The following CPNE8 variants were observed in gnomAD, a reference collection of about 807,000 sequenced individuals.
CPNE8 encodes the protein copine-8.
Under a neutral mutation model 81.5 loss-of-function variants are expected in CPNE8, and 45 were observed. That is an observed-to-expected ratio of 0.55 (90% CI 0.44 to 0.71). The LOEUF (loss-of-function observed/expected upper bound fraction) is 0.71. Among genes scored for constraint, CPNE8 ranks in the 30% least tolerant of loss-of-function variants. The pLI is 0.00. For synonymous variants in CPNE8, 252 were observed against 226.3 expected (o/e 1.11, Z -1.02); for missense variants, 594 against 672.1 (o/e 0.88, Z 1.28).
chr12:38,789,224 A>C (rs1039721446), intron 6 of CPNE8, among the ~76,000 whole-genome samples: 9 of 152,014 alleles, frequency 5.9e-5, no homozygotes, highest in African/African-American at 2.2e-4. Context: ...ATAGTAACCA[A>C]AATAGCATAG....
chr12:38,886,395 A>T (rs536333665), intron 1 of CPNE8, among the ~76,000 whole-genome samples: 2 of 152,248 alleles, frequency 1.3e-5, no homozygotes, highest in Non-Finnish European at 2.9e-5. Context: ...TAAATATTGG[A>T]AAAACTATCT....
chr12:38,805,884 G>A (rs2136972007), intron 6 of CPNE8, among the ~76,000 whole-genome samples: 1 of 148,846 alleles, frequency 6.7e-6, no homozygotes, highest in South Asian at 2.2e-4. Context: ...GAAGAGAGAA[G>A]AATCAAATAG....
At chr12:38,905,415 A>AGG (rs1944554456) in intron 1 of CPNE8, 22 bp downstream of exon 1, 1 of 1,550,560 alleles carries the variant, frequency 6.4e-7, no homozygotes, top group Non-Finnish European at 8.7e-7. Flanking sequence ...GGCAGGAGAG[A>AGG]GGGGAAGGGC....
At chr12:38,798,696 C>T (rs1233797059) in intron 6 of CPNE8, among the ~76,000 whole-genome samples, 1 of 151,496 alleles carries the variant, frequency 6.6e-6, no homozygotes, top group African/African-American at 2.4e-5. Flanking sequence ...TCACACATAA[C>T]AATATTAACT....
chr12:38,692,884 T>C (rs762230386), intron 15 of CPNE8, among the ~76,000 whole-genome samples: 4 of 152,164 alleles, frequency 2.6e-5, no homozygotes, highest in Non-Finnish European at 5.9e-5. Flanking sequence ...AGAAATAACA[T>C]TTTGGGACTT....
intron 19 of CPNE8, among the ~76,000 whole-genome samples, chr12:38,662,233 A>G (rs1565558467): frequency 1.3e-5 from 2 of 152,156 alleles, no homozygotes. Flanking sequence ...TTTGCAGCTG[A>G]CATGATCTTA....
chr12:38,797,358 A>G (rs902373076), intron 6 of CPNE8, among the ~76,000 whole-genome samples: 2 of 152,144 alleles, frequency 1.3e-5, no homozygotes, highest in Non-Finnish European at 2.9e-5. Context: ...AAACTTCCAG[A>G]GGAACTAGCA....
At chr12:38,692,574 A>C (rs976106070) in intron 15 of CPNE8, among the ~76,000 whole-genome samples, 1 of 152,162 alleles carries the variant, frequency 6.6e-6, no homozygotes, top group African/African-American at 2.4e-5. Context: ...CTAAACCAGT[A>C]TATATTTGTA....
At chr12:38,776,919 G>C (rs1016992276) in intron 6 of CPNE8, among the ~76,000 whole-genome samples, 2 of 151,842 alleles carry the variant, frequency 1.3e-5, no homozygotes, top group Admixed American at 1.3e-4. Context: ...TGTATGTACA[G>C]TCCATAATAC....
intron 8 of CPNE8, among the ~76,000 whole-genome samples, chr12:38,766,257 T>C (rs956034202): frequency 6.6e-6 from 1 of 152,196 alleles, no homozygotes; most frequent in African/African-American, 2.4e-5. Flanking sequence ...GTACAACTAA[T>C]CTTTATGAAG....
intron 8 of CPNE8, among the ~76,000 whole-genome samples, chr12:38,763,866 CT>C (rs1341325745): frequency 3.3e-5 from 5 of 152,086 alleles, no homozygotes; most frequent in African/African-American, 9.7e-5. Flanking sequence ...TATACTGCCC[CT>C]AACCCCCATG....
At chr12:38,682,185 A>T (rs1939424690) in intron 16 of CPNE8, among the ~76,000 whole-genome samples, 1 of 152,140 alleles carries the variant, frequency 6.6e-6, no homozygotes, top group East Asian at 1.9e-4. Flanking sequence ...GCATCACTAC[A>T]CTCCAGCCTG....
At chr12:38,851,469 A>G (rs953508021) in intron 3 of CPNE8, among the ~76,000 whole-genome samples, 1 of 152,210 alleles carries the variant, frequency 6.6e-6, no homozygotes, top group African/African-American at 2.4e-5. Flanking sequence ...AAAGTCATCA[A>G]TCTCAAGTCT....
At chr12:38,876,082 C>T (rs1368032436) in intron 1 of CPNE8, among the ~76,000 whole-genome samples, 2 of 152,092 alleles carry the variant, frequency 1.3e-5, no homozygotes, top group Admixed American at 1.3e-4. Flanking sequence ...GGCTGTGACT[C>T]AAAAACTATG....
At chr12:38,734,866 ATG>A (rs1276605116) in intron 10 of CPNE8, among the ~76,000 whole-genome samples, 2 of 152,096 alleles carry the variant, frequency 1.3e-5, no homozygotes, top group African/African-American at 4.8e-5. Flanking sequence ...TTATGAATGG[ATG>A]TGTGTTGTCT....
At position 38,823,786 on chromosome 12, in the gene CPNE8, G is replaced by A. The variant is rs138894302; in HGVS notation, c.407+5593C>T. ...AAACCGGTGCTGATTCTTGCATTTC[G>A]GAAGGCTTTGCCGAATCCATCACTG... On this transcript the variant is annotated intron_variant, in intron 6 of 19. Transcript: ENST00000331366. Among the ~76,000 whole-genome samples the A allele has an allele frequency of 3.0e-3, 460 of 152,210 alleles. 5 individuals carry two copies. The highest frequency in any genetic ancestry group is 9.9e-3 in the African/African-American group (411 of 41,526).
At chr12:38,850,260 T>C (rs1380050209) in intron 3 of CPNE8, among the ~76,000 whole-genome samples, 1 of 152,036 alleles carries the variant, frequency 6.6e-6, no homozygotes, top group Non-Finnish European at 1.5e-5. Flanking sequence ...TGCACAACAC[T>C]CTCAAAGAGA....
chr12:38,798,510 G>C (rs1431888225), intron 6 of CPNE8, among the ~76,000 whole-genome samples: 1 of 151,880 alleles, frequency 6.6e-6, no homozygotes, highest in Non-Finnish European at 1.5e-5. Context: ...GAGAGATGTT[G>C]TCACCACCAG....
intron 19 of CPNE8, among the ~76,000 whole-genome samples, chr12:38,659,209 A>C (rs2455610): frequency 0.093 from 11,439 of 123,192 alleles, 714 homozygotes; most frequent in East Asian, 0.24. Context: ...AGATCTACCA[A>C]GCAAATGGAA....
Sources: allele counts gnomAD v4.1 joint callset (sites outside exome capture counted in the v4.1 genomes callset), GRCh38; gene constraint gnomAD v4.1.1; transcripts MANE v1.5; gene names NCBI Gene and HGNC (gene_info 2026-07-23, HGNC 2026-07-21).